ZCCHC7: variants seen among roughly 807,000 people sequenced by gnomAD.
ZCCHC7 encodes the protein zinc finger CCHC domain-containing protein 7.
In ZCCHC7, 35 loss-of-function variants were observed where a neutral mutation model predicts 52.0. The ratio of observed to expected loss-of-function variants is 0.67; its 90% CI spans 0.51 to 0.89. The LOEUF (loss-of-function observed/expected upper bound fraction) is 0.89. Among genes scored for constraint, ZCCHC7 ranks in the 40% least tolerant of loss-of-function variants. The pLI is 0.00. For missense variants in ZCCHC7, 574 were observed against 649.1 expected (o/e 0.88, Z 1.26); for synonymous variants, 217 against 221.5 (o/e 0.98, Z 0.18).
chr9:37,211,356 T>G (rs1824204354), intron 2 of ZCCHC7, among the ~76,000 whole-genome samples: 2 of 152,234 alleles, frequency 1.3e-5, no homozygotes, highest in South Asian at 2.1e-4. Flanking sequence ...TTTTTTGGTT[T>G]GTTTGTTTTG....
At position 37,210,518 on chromosome 9, in the gene ZCCHC7, A is replaced by G. The variant is rs72737762; in HGVS notation, c.610+83576A>G. The stretch of plus-strand genomic sequence containing the variant: ...AGATTTTTCAGGAGTAGTGTATAAT[A>G]ATGAACAAGGTTTATTTCATTTGTT... On this transcript the variant is annotated intron_variant, in intron 2 of 8. Transcript: ENST00000336755. Among the ~76,000 whole-genome samples the G allele has an allele frequency of 1.6e-3, 251 of 152,344 alleles. 1 individual carries two copies. The highest frequency in any genetic ancestry group is 2.4e-3 in the Non-Finnish European group (162 of 68,022).
chr9:37,335,111 T>C (rs1230191879), intron 6 of ZCCHC7, among the ~76,000 whole-genome samples: 2 of 152,194 alleles, frequency 1.3e-5, no homozygotes, highest in Non-Finnish European at 2.9e-5. Flanking sequence ...CATTGATTTG[T>C]GGATTACCCC....
intron 5 of ZCCHC7, among the ~76,000 whole-genome samples, chr9:37,309,735 A>G (rs1207564988): frequency 6.6e-6 from 1 of 152,214 alleles, no homozygotes; most frequent in Non-Finnish European, 1.5e-5. Flanking sequence ...CAGCCTGGCC[A>G]ACACAGCAAA....
At chr9:37,124,644 A>G (rs1172611230) in intron 1 of ZCCHC7, among the ~76,000 whole-genome samples, 2 of 152,170 alleles carry the variant, frequency 1.3e-5, no homozygotes, top group African/African-American at 4.8e-5. Flanking sequence ...AAGCCCATAA[A>G]AGGGGCTCTT....
chr9:37,228,483 A>G (rs896916773), intron 2 of ZCCHC7, among the ~76,000 whole-genome samples: 4 of 151,948 alleles, frequency 2.6e-5, no homozygotes, highest in Admixed American at 2.6e-4. Context: ...CCTAGGCTCA[A>G]GTAGTTCTCC....
intron 2 of ZCCHC7, among the ~76,000 whole-genome samples, chr9:37,175,260 C>T (rs1003592482): frequency 1.3e-5 from 2 of 152,106 alleles, no homozygotes; most frequent in African/African-American, 4.8e-5. Context: ...TCCTTTTAAG[C>T]ATGCAAAACT....
chr9:37,185,922 TTTTATTTATTTA>T (rs146660938), intron 2 of ZCCHC7, among the ~76,000 whole-genome samples: 31,701 of 151,904 alleles, frequency 0.21, 3,563 homozygotes, highest in Non-Finnish European at 0.25. Flanking sequence ...CATTCATGCA[TTTTATTTATTTA>T]TTTATTTATT....
chr9:37,254,837 C>CTTTCTTT, intron 2 of ZCCHC7, among the ~76,000 whole-genome samples: 1 of 93,472 alleles, frequency 1.1e-5, no homozygotes, highest in East Asian at 3.0e-4. Context: ...CAAAAAGTTT[C>CTTTCTTT]TTTTTTTTTT....
chr9:37,130,788 G>T (rs528050324), intron 2 of ZCCHC7, among the ~76,000 whole-genome samples: 4 of 151,872 alleles, frequency 2.6e-5, no homozygotes, highest in South Asian at 2.1e-4. Context: ...GAGCCACTGC[G>T]TCTGGCCAGA....
chr9:37,244,059 G>A (rs1192840600), intron 2 of ZCCHC7, among the ~76,000 whole-genome samples: 2 of 151,130 alleles, frequency 1.3e-5, no homozygotes, highest in Non-Finnish European at 3.0e-5. Context: ...CATTTTTTTG[G>A]TATGTTTATT....
At chr9:37,325,589 CATA>C (rs1347797384) in intron 5 of ZCCHC7, among the ~76,000 whole-genome samples, 1 of 151,748 alleles carries the variant, frequency 6.6e-6, no homozygotes, top group African/African-American at 2.4e-5. Context: ...AAGTTGAAGC[CATA>C]ATAAGCAAAA....
chr9:37,134,341 G>A (rs993906176), intron 2 of ZCCHC7, among the ~76,000 whole-genome samples: 10 of 151,990 alleles, frequency 6.6e-5, no homozygotes, highest in Admixed American at 5.9e-4. Flanking sequence ...TGCTTAACAT[G>A]TTCTACTGTC....
intron 1 of ZCCHC7, among the ~76,000 whole-genome samples, chr9:37,123,210 T>TGTGTGTGTGTGCGTGTGC (rs1842399463): frequency 7.9e-6 from 1 of 127,074 alleles, no homozygotes; most frequent in South Asian, 2.7e-4. Context: ...TGTGTGTGTG[T>TGTGTGTGTGTGCGTGTGC]GTGTGTGTGT....
At chr9:37,202,762 G>A (rs895578439) in intron 2 of ZCCHC7, among the ~76,000 whole-genome samples, 2 of 152,216 alleles carry the variant, frequency 1.3e-5, no homozygotes, top group African/African-American at 4.8e-5. Flanking sequence ...GATTATAGGC[G>A]TAAGCCATCA....
intron 2 of ZCCHC7, among the ~76,000 whole-genome samples, chr9:37,164,508 A>G (rs190727855): frequency 6.0e-5 from 9 of 148,846 alleles, no homozygotes; most frequent in Non-Finnish European, 1.0e-4. Flanking sequence ...TAGACAGACA[A>G]GATAGATAGA....
chr9:37,274,580 C>T (rs1463398267), intron 2 of ZCCHC7, among the ~76,000 whole-genome samples: 1 of 151,846 alleles, frequency 6.6e-6, no homozygotes, highest in Non-Finnish European at 1.5e-5. Flanking sequence ...CTCAAGTGAT[C>T]TGCCTGCCTC....
intron 2 of ZCCHC7, among the ~76,000 whole-genome samples, chr9:37,158,848 TTGTC>T (rs1564147904): frequency 1.3e-5 from 2 of 152,220 alleles, no homozygotes; most frequent in Non-Finnish European, 2.9e-5. Flanking sequence ...AAATATTAGT[TTGTC>T]TGCTGAATAA....
chr9:37,233,544 G>T (rs1363100794), intron 2 of ZCCHC7, among the ~76,000 whole-genome samples: 1 of 152,140 alleles, frequency 6.6e-6, no homozygotes, highest in East Asian at 1.9e-4. Flanking sequence ...ACAATTAGAG[G>T]TTATGTTCTC....
At chr9:37,204,105 TTTTGATAAGTGTCTG>T (rs1379735078) in intron 2 of ZCCHC7, among the ~76,000 whole-genome samples, 1 of 152,236 alleles carries the variant, frequency 6.6e-6, no homozygotes, top group Non-Finnish European at 1.5e-5. Context: ...AAATGTCGTC[TTTTGATAAGTGTCTG>T]TTCATATTCT....
Sources: allele counts gnomAD v4.1 joint callset (sites outside exome capture counted in the v4.1 genomes callset), GRCh38; gene constraint gnomAD v4.1.1; transcripts MANE v1.5; gene names NCBI Gene and HGNC (gene_info 2026-07-23, HGNC 2026-07-21).